Variants in ARMC2 observed in about 807,000 individuals in gnomAD.
ARMC2 encodes the protein armadillo repeat-containing protein 2.
A neutral mutation model predicts 90.3 loss-of-function variants in ARMC2; 67 were observed. That is an observed-to-expected ratio of 0.74 (90% CI 0.61 to 0.91). The LOEUF is 0.91. Ranked by LOEUF, ARMC2 falls within the 40% of genes least tolerant of loss-of-function variation. The probability of loss-of-function intolerance (pLI) is 0.00; values close to 1 mark genes in which losing one functional copy is unlikely to be tolerated. For missense variants in ARMC2, 920 were observed against 1,030.9 expected, an observed-to-expected ratio of 0.89 and a Z score of 1.47; for synonymous variants, 393 against 393.0, an observed-to-expected ratio of 1.00 and a Z score of 0.00.
At chr6:109,051,323 C>G in the ARMC2 span, among the ~76,000 whole-genome samples, 2 of 149,694 alleles carry the variant, frequency 1.3e-5, no homozygotes, top group African/African-American at 2.4e-5. Flanking sequence ...AACATTGAAA[C>G]TGAGTCAGAC....
At chr6:109,040,755 C>T in the ARMC2 span, among the ~76,000 whole-genome samples, 6 of 151,330 alleles carry the variant, frequency 4.0e-5, no homozygotes, top group Non-Finnish European at 5.9e-5. Flanking sequence ...TGGGTTCAAG[C>T]GATTCTCCCG....
At chr6:108,921,779 G>A (rs1306804513) in intron 10 of ARMC2, among the ~76,000 whole-genome samples, 4 of 152,218 alleles carry the variant, frequency 2.6e-5, no homozygotes, top group Non-Finnish European at 5.9e-5. Context: ...GTCTCTGGCG[G>A]CTGCGTTTAT....
intron 10 of ARMC2, among the ~76,000 whole-genome samples, chr6:108,915,489 C>A (rs2128475111): frequency 6.6e-6 from 1 of 152,226 alleles, no homozygotes; most frequent in South Asian, 2.1e-4. Context: ...ACTTCGCTTG[C>A]TTTAACATCT....
the ARMC2 span, among the ~76,000 whole-genome samples, chr6:109,024,660 A>T: frequency 6.6e-6 from 1 of 152,220 alleles, no homozygotes; most frequent in Non-Finnish European, 1.5e-5. Flanking sequence ...TCTAGCCTAG[A>T]CTACCATAAA....
chr6:109,019,462 T>C, the ARMC2 span, among the ~76,000 whole-genome samples: 1 of 152,236 alleles, frequency 6.6e-6, no homozygotes, highest in African/African-American at 2.4e-5. Context: ...TTCATGTTTC[T>C]CTACTGAATT....
At chr6:108,933,467 T>C (rs1042047742) in intron 11 of ARMC2, among the ~76,000 whole-genome samples, 1 of 152,202 alleles carries the variant, frequency 6.6e-6, no homozygotes, top group Non-Finnish European at 1.5e-5. Context: ...GGTTTTGGGC[T>C]GAGACTGTGG....
In ARMC2 at chr6:108,892,812, T is replaced by C. The variant is rs141940060; in HGVS notation, c.672-1655T>C. On this transcript the variant is annotated intron_variant, in intron 5 of 17. Transcript: ENST00000392644. ...AACATGTTAATGAAGTAAAAAATGG[T>C]ATTTGGAGAAGCTAATCTTCAGGGC... 4.2e-3 allele frequency among the ~76,000 whole-genome samples: 611 copies of C among 145,004 alleles called. 3 individuals are homozygous for C. Among genetic ancestry groups the C allele is most frequent in the African/African-American group, 0.015 (574 of 39,006 alleles).
chr6:108,863,090 G>A (rs899828320), intron 3 of ARMC2, among the ~76,000 whole-genome samples: 1 of 152,156 alleles, frequency 6.6e-6, no homozygotes, highest in Non-Finnish European at 1.5e-5. Flanking sequence ...AGCCCGACTT[G>A]CCCAGGGGGT....
At chr6:108,873,806 C>T (rs1428196245) in intron 4 of ARMC2, among the ~76,000 whole-genome samples, 2 of 152,304 alleles carry the variant, frequency 1.3e-5, no homozygotes, top group East Asian at 1.9e-4. Flanking sequence ...GACCAACTCC[C>T]AACCCCTCAA....
intron 10 of ARMC2, among the ~76,000 whole-genome samples, chr6:108,925,804 A>G (rs972110720): frequency 6.6e-6 from 1 of 152,218 alleles, no homozygotes. Context: ...CAAATGACAA[A>G]TTTGGAAATA....
intron 11 of ARMC2, among the ~76,000 whole-genome samples, chr6:108,935,493 G>C (rs1775884019): frequency 6.6e-6 from 1 of 152,014 alleles, no homozygotes; most frequent in Non-Finnish European, 1.5e-5. Flanking sequence ...CCAGGCTGGA[G>C]TGCAGTGTTG....
At chr6:108,982,195 A>C in the ARMC2 span, among the ~76,000 whole-genome samples, 2 of 152,334 alleles carry the variant, frequency 1.3e-5, no homozygotes, top group Admixed American at 1.3e-4. Flanking sequence ...ATAACAAAAA[A>C]TATAGTTTGG....
At chr6:109,026,839 C>G in the ARMC2 span, among the ~76,000 whole-genome samples, 4 of 152,004 alleles carry the variant, frequency 2.6e-5, no homozygotes, top group Admixed American at 1.3e-4. Flanking sequence ...AACTGTTTTC[C>G]AAAGTAGTTG....
the ARMC2 span, among the ~76,000 whole-genome samples, chr6:109,033,773 T>C: frequency 6.6e-6 from 1 of 152,172 alleles, no homozygotes; most frequent in Non-Finnish European, 1.5e-5. Context: ...TGGATTCAGG[T>C]TGCCATCTGG....
At chr6:108,907,902 C>T (rs1366566239) in intron 8 of ARMC2, 14 of 1,589,932 alleles carry the variant, frequency 8.8e-6, no homozygotes, top group Non-Finnish European at 1.1e-5. Context: ...CTGTGTTCTT[C>T]TGTTTTCTTA....
intron 1 of ARMC2, among the ~76,000 whole-genome samples, chr6:108,853,950 A>G (rs1051119458): frequency 3.9e-5 from 6 of 152,124 alleles, no homozygotes; most frequent in East Asian, 1.9e-4. Context: ...CGCTCTTCCT[A>G]TTCTGTCTTC....
At chr6:108,993,123 G>T in the ARMC2 span, 1 of 431,900 alleles carries the variant, frequency 2.3e-6, no homozygotes, top group East Asian at 4.6e-5. Flanking sequence ...AATTCTCTAT[G>T]CCTTTTATTG....
intron 12 of ARMC2, among the ~76,000 whole-genome samples, chr6:108,944,939 A>T (rs1776698888): frequency 6.6e-6 from 1 of 152,110 alleles, no homozygotes; most frequent in Non-Finnish European, 1.5e-5. Flanking sequence ...TTTGTCCAAG[A>T]TCCATGATGC....
the ARMC2 span, chr6:109,000,428 A>C: frequency 2.4e-6 from 3 of 1,269,584 alleles, no homozygotes; most frequent in African/African-American, 1.5e-5. Context: ...ATTTTTCTGT[A>C]ATCCTAAAAC....
Sources: allele counts gnomAD v4.1 joint callset (sites outside exome capture counted in the v4.1 genomes callset), GRCh38; gene constraint gnomAD v4.1.1; transcripts MANE v1.5; gene names NCBI Gene and HGNC (gene_info 2026-07-23, HGNC 2026-07-21).